CDCA4: variants seen among roughly 807,000 people sequenced by gnomAD.
The protein encoded by CDCA4 is cell division cycle-associated protein 4.
For synonymous variants in CDCA4, 130 were observed against 137.0 expected, an observed-to-expected ratio of 0.95 and a Z score of 0.36; for missense variants, 294 against 322.1, an observed-to-expected ratio of 0.91 and a Z score of 0.67.
intron 1 of CDCA4, among the ~76,000 whole-genome samples, chr14:105,015,571 C>G (rs1900629482): frequency 7.6e-6 from 1 of 130,852 alleles, no homozygotes; most frequent in Non-Finnish European, 1.8e-5. Flanking sequence ...CCCAAAATGG[C>G]CAGGACATGA....
Position 105,011,138 on chromosome 14 carries a change from C to G in CDCA4, c.*66G>C. ...CTGGGCCGCTGGCGGCAGGCGCACC[C>G]TCCGTGGGAGCCAGTGCTCACGTGT... On this transcript the variant is annotated 3_prime_UTR_variant, in exon 2 of 2. Coordinates refer to ENST00000336219, the MANE Select transcript of CDCA4 (RefSeq NM_017955.4). 1 of 1,519,028 alleles carries G rather than the reference C, an allele frequency of 6.6e-7. No homozygotes were observed. The highest frequency in any genetic ancestry group is 8.8e-7 in the Non-Finnish European group (1 of 1,134,520). 94.1% of individuals were successfully genotyped at this position (1,519,028 alleles called of 1,614,324 possible).
Position 105,010,185 on chromosome 14 carries a change from A to C in CDCA4, c.*1019T>G, listed in dbSNP as rs1381546530. ...AAGGGGTTATGAATGACATGGATTC[A>C]GATTTCTTTCATTCTAGACTTCAAC... is the stretch of plus-strand genomic sequence containing the variant. On this transcript the variant is annotated 3_prime_UTR_variant, in exon 2 of 2. Coordinates refer to ENST00000336219, the MANE Select transcript of CDCA4 (RefSeq NM_017955.4). The C allele has an allele frequency of 6.5e-6, 1 of 152,678 alleles. No homozygotes were observed. The highest frequency in any genetic ancestry group is 1.5e-5 in the Non-Finnish European group (1 of 68,058). The allele number at this position is 152,678 out of a possible 1,614,324, so 9.5% of individuals were successfully genotyped here. A position where few individuals can be genotyped will look rare whatever the true frequency, so the allele number is the denominator to read the frequency against.
In CDCA4 at chr14:105,011,078, G is replaced by C. The variant is rs1435532710; in HGVS notation, c.*126C>G. 1 of 1,190,590 alleles carries C rather than the reference G, an allele frequency of 8.4e-7. No individual in the cohort carries two copies. The highest frequency in any genetic ancestry group is 1.1e-6 in the Non-Finnish European group (1 of 871,074). 73.8% of individuals were successfully genotyped at this position (1,190,590 alleles called of 1,614,324 possible). A position where few individuals can be genotyped will look rare whatever the true frequency, so the allele number is the denominator to read the frequency against. ...AGCCCCACTGGTAATGGGCTGTTCT[G>C]GGATTTCTCAGAATCAGCAGACAGG... On this transcript the variant is annotated 3_prime_UTR_variant, in exon 2 of 2. Transcript: ENST00000336219.
At chr14:105,014,264 G>A (rs1424586869) in intron 1 of CDCA4, among the ~76,000 whole-genome samples, 1 of 152,202 alleles carries the variant, frequency 6.6e-6, no homozygotes, top group Admixed American at 6.5e-5. Flanking sequence ...TGCGGCAGCC[G>A]TGTCATCACA....
chr14:105,012,544 T>G (rs12431580), intron 1 of CDCA4, among the ~76,000 whole-genome samples: 79,717 of 152,164 alleles, frequency 0.52, 23,210 homozygotes, highest in Non-Finnish European at 0.66. Flanking sequence ...TGGAAAGCTG[T>G]GCCACCAGGA....
intron 1 of CDCA4, among the ~76,000 whole-genome samples, chr14:105,018,199 T>C (rs1886136538): frequency 6.7e-6 from 1 of 149,570 alleles, no homozygotes; most frequent in South Asian, 2.1e-4. Context: ...TGTGCCTGGG[T>C]TACACAAGTT....
At chr14:105,015,432 C>G (rs547439201) in intron 1 of CDCA4, among the ~76,000 whole-genome samples, 3 of 152,394 alleles carry the variant, frequency 2.0e-5, no homozygotes, top group African/African-American at 7.2e-5. Context: ...CGCCATCAGT[C>G]GGAAACCAGC....
At position 105,011,369 on chromosome 14, in the gene CDCA4, G is replaced by C. The variant is rs769479152; in HGVS notation, c.561C>G (p.Pro187=). The stretch of plus-strand genomic sequence containing the variant: ...TCAGTACTGTGTCCAGGTCGTAGTA[G>C]GGGCTGTCCACGTCTGAGAACAGCT... ...MEELFSDVDS[P]YYDLDTVLTG... is the part of the protein sequence containing the mutation. Residue 187 remains proline, a synonymous_variant, in exon 2 of 2, where the codon CCC becomes CCG. Coordinates refer to ENST00000336219, the MANE Select transcript of CDCA4 (RefSeq NM_017955.4). 3.1e-6 allele frequency: 5 copies of C among 1,614,252 alleles called. No homozygotes were observed. The East Asian group carries it at 1.1e-4, about 36-fold the overall frequency.
intron 1 of CDCA4, among the ~76,000 whole-genome samples, chr14:105,014,078 G>A (rs796421321): frequency 7.2e-5 from 11 of 152,342 alleles, no homozygotes; most frequent in African/African-American, 2.4e-4. Context: ...CCTCAGAAGG[G>A]TGCTTGCTAT....
At chr14:105,013,850 T>C (rs909267383) in intron 1 of CDCA4, among the ~76,000 whole-genome samples, 1 of 152,196 alleles carries the variant, frequency 6.6e-6, no homozygotes, top group Non-Finnish European at 1.5e-5. Flanking sequence ...AAAAAGCCAA[T>C]GTTCATGCAA....
intron 1 of CDCA4, among the ~76,000 whole-genome samples, chr14:105,012,512 T>C (rs867409713): frequency 6.6e-6 from 1 of 152,204 alleles, no homozygotes; most frequent in Non-Finnish European, 1.5e-5. Context: ...TAAAAGCCTC[T>C]ATATGTCGCA....
rs746967390 is a variant in CDCA4, at chr14:105,011,290, C to G, written c.640G>C (p.Ala214Pro). 1 of 1,613,884 alleles carries G rather than the reference C, an allele frequency of 6.2e-7. No homozygotes were observed. Residue 214 changes from alanine (A) to proline (P), a missense_variant, in exon 2 of 2, where the codon GCT becomes CCT. Ala to Pro is a conservative substitution (Grantham distance 27). Transcript: ENST00000336219. ...PGPCEGLEGLAPATPGPSSSC... is the reference protein window; with the variant it reads ...PGPCEGLEGLPPATPGPSSSC... ...GAGCTAGGGCCTGGGGTGGCCGGAG[C>G]CAAGCCCTCGAGCCCTTCGCAGGGG...
chr14:105,012,493 T>G (rs1416185148), intron 1 of CDCA4, among the ~76,000 whole-genome samples: 4 of 152,214 alleles, frequency 2.6e-5, no homozygotes. Flanking sequence ...TCCCCCTCAA[T>G]GCTTTCACTA....
intron 1 of CDCA4, among the ~76,000 whole-genome samples, chr14:105,016,281 C>T (rs1900653138): frequency 6.6e-6 from 1 of 152,208 alleles, no homozygotes; most frequent in South Asian, 2.1e-4. Flanking sequence ...TCCTCCTTTC[C>T]AGTCGTTTCT....
chr14:105,020,890 A>T, intron 1 of CDCA4, 109 bp downstream of exon 1: 1 of 151,768 alleles, frequency 6.6e-6, no homozygotes, highest in Non-Finnish European at 1.5e-5. Context: ...CCCCGGACCC[A>T]GCGCCAGGAG....
intron 1 of CDCA4, among the ~76,000 whole-genome samples, chr14:105,014,098 T>C (rs2140909419): frequency 6.6e-6 from 1 of 152,122 alleles, no homozygotes. Context: ...TGGGATCCCA[T>C]TTATGCCACA....
rs1900481753 is a variant in CDCA4, at chr14:105,010,933, G to GA, written c.*270dup. ...CGGCTCACCGTCCTCTACAGTGGGGGACACAAAGAGACACGAGGGGCCCAG... is the reference window on the plus strand; with the variant it reads ...CGGCTCACCGTCCTCTACAGTGGGGGAACACAAAGAGACACGAGGGGCCCAG... On this transcript the variant is annotated 3_prime_UTR_variant, in exon 2 of 2. Transcript: ENST00000336219. 1 of 513,398 alleles carries GA rather than the reference G, an allele frequency of 1.9e-6. No homozygotes were observed. Among genetic ancestry groups the GA allele is most frequent in the Admixed American group, 3.7e-5 (1 of 26,922 alleles). 31.8% of individuals were successfully genotyped at this position (513,398 alleles called of 1,614,324 possible). A position where few individuals can be genotyped will look rare whatever the true frequency, so the allele number is the denominator to read the frequency against.
chr14:105,020,369 C>G (rs1042169332), intron 1 of CDCA4, among the ~76,000 whole-genome samples: 1 of 152,240 alleles, frequency 6.6e-6, no homozygotes. Context: ...TCTATTCCAG[C>G]AAGCTGTCGG....
rs536794303 is a variant in CDCA4 at position 105,017,853 on chromosome 14, A to C, written c.-7+3146T>G. The stretch of plus-strand genomic sequence containing the variant: ...CTCAAAAAAAAAACACACACACACA[A>C]AAAAAACACTTAAAACAAGTTGAAT... On this transcript the variant is annotated intron_variant, in intron 1 of 1. Transcript: ENST00000336219. Among the ~76,000 whole-genome samples the C allele has an allele frequency of 5.1e-4, 78 of 152,118 alleles. 1 individual carries two copies. The highest frequency in any genetic ancestry group is 3.9e-3 in the South Asian group (19 of 4,820).
Sources: gnomAD v4.1 joint callset for allele counts (sites outside exome capture counted in the v4.1 genomes callset) on GRCh38, gnomAD v4.1.1 for gene constraint, MANE v1.5 for transcripts, NCBI Gene and HGNC (gene_info 2026-07-23, HGNC 2026-07-21) for gene names.